Variants in GNB1L observed in about 807,000 individuals in gnomAD.
The protein encoded by GNB1L is G protein subunit beta 1 like, also known as guanine nucleotide-binding protein subunit beta-like protein 1.
GNB1L carries 20 observed loss-of-function variants against 29.1 expected under a neutral mutation model. The ratio of observed to expected loss-of-function variants is 0.69; its 90% CI spans 0.48 to 1.00. The LOEUF (loss-of-function observed/expected upper bound fraction) is 1.00. Ranked by LOEUF, GNB1L falls within the 50% of genes least tolerant of loss-of-function variation. The pLI is 0.00. For synonymous variants in GNB1L, 193 were observed against 206.5 expected (o/e 0.93, Z 0.56); for missense variants, 421 against 464.9 (o/e 0.91, Z 0.87).
rs563370287 is a variant in GNB1L, at chr22:19,812,238, G to A, written c.417+47C>T. On this transcript the variant is annotated intron_variant, in intron 5 of 7. Transcript: ENST00000329517. ...CCTCCTAATCAAATGCAGAGGATGA[G>A]CACAACTGTTTGGAGAACATGGGGC... 128 of 1,586,764 alleles carry A rather than the reference G, an allele frequency of 8.1e-5. No individual in the cohort carries two copies. In the Middle Eastern group the frequency reaches 2.3e-3, roughly 29 times the overall value.
At chr22:19,846,606 A>C in intron 2 of GNB1L, 5 of 961,312 alleles carry the variant, frequency 5.2e-6, no homozygotes, top group Non-Finnish European at 6.2e-6. Context: ...CAATATTTTT[A>C]TGTTCAAGTC....
intron 7 of GNB1L, chr22:19,792,333 C>G: frequency 3.0e-6 from 3 of 1,010,044 alleles, no homozygotes; most frequent in Non-Finnish European, 1.5e-6. Flanking sequence ...GAAGGTGGCT[C>G]TGGCCCCTGC....
intron 2 of GNB1L, among the ~76,000 whole-genome samples, chr22:19,843,954 G>A (rs1016698049): frequency 3.3e-5 from 5 of 152,178 alleles, no homozygotes; most frequent in African/African-American, 1.2e-4. Flanking sequence ...CTGCCCCCCA[G>A]CAAGATTCAC....
chr22:19,852,282 G>A (rs940379349), intron 2 of GNB1L: 5 of 1,583,900 alleles, frequency 3.2e-6, no homozygotes, highest in African/African-American at 2.7e-5. Flanking sequence ...CAGGGGAGAA[G>A]AGAGGAGAGC....
intron 2 of GNB1L, chr22:19,850,837 A>G (rs780270996): frequency 4.1e-4 from 534 of 1,306,270 alleles, no homozygotes; most frequent in Middle Eastern, 2.0e-3. Flanking sequence ...TGGAGGTGAC[A>G]AAGATGATGC....
chr22:19,824,154 C>T (rs778206738), intron 2 of GNB1L, among the ~76,000 whole-genome samples: 1 of 152,262 alleles, frequency 6.6e-6, no homozygotes. Context: ...CAATTAAGGG[C>T]TCCATCATTT....
chr22:19,789,542 G>A (rs1937228614), intron 7 of GNB1L, among the ~76,000 whole-genome samples: 1 of 152,008 alleles, frequency 6.6e-6, no homozygotes, highest in Admixed American at 6.5e-5. Context: ...CCTGGAGGCG[G>A]CAGGAGCCAC....
chr22:19,819,806 CCA>C (rs1207088265), intron 4 of GNB1L, among the ~76,000 whole-genome samples: 1 of 152,128 alleles, frequency 6.6e-6, no homozygotes, highest in Non-Finnish European at 1.5e-5. Flanking sequence ...GGGGTAGAAA[CCA>C]CAGGAGACAC....
At position 19,853,597 on chromosome 22, in the gene GNB1L, C is replaced by A. The variant is rs143228865; in HGVS notation, c.-21+846G>T. On this transcript the variant is annotated intron_variant, in intron 2 of 7. Coordinates refer to ENST00000329517, the MANE Select transcript of GNB1L (RefSeq NM_053004.3). ...CATCTCCTATCTGCTGGCCATCCCC[C>A]CTCAGGGTGAGTTCCTCCAGGTACC... 9.8e-5 allele frequency among the ~76,000 whole-genome samples: 15 copies of A among 152,300 alleles called. No individual in the cohort carries two copies. In the East Asian group the frequency reaches 1.4e-3, roughly 14 times the overall value.
rs1389823849 is a variant in GNB1L, at chr22:19,812,394, G to A, written c.308C>T (p.Ala103Val). 3.7e-6 allele frequency: 6 copies of A among 1,613,362 alleles called. No individual in the cohort carries two copies. In the African/African-American group the frequency reaches 5.3e-5, roughly 14 times the overall value. The part of the protein sequence containing the change: ...CLWDLAEGRS[A>V]VVDSVCLESV... ...CTCCAAGCACACGGAGTCCACGACA[G>A]CGCTCCTGCCCTCCGCGAGGTCCCA... Residue 103 changes from alanine (A) to valine (V), a missense_variant, in exon 5 of 8, where the codon GCT (alanine) becomes GTT (valine). Physicochemically the swap from Ala to Val is moderately conservative, Grantham distance 64. Coordinates refer to ENST00000329517, the MANE Select transcript of GNB1L (RefSeq NM_053004.3).
intron 5 of GNB1L, among the ~76,000 whole-genome samples, chr22:19,811,037 A>C (rs1241586854): frequency 6.6e-6 from 1 of 152,204 alleles, no homozygotes; most frequent in East Asian, 1.9e-4. Context: ...CTCCTGCAGC[A>C]TTCCTGTGGG....
rs1235414669 is a variant in GNB1L, at chr22:19,784,144, A to T, written c.*4565T>A. 6.6e-6 allele frequency: 1 copy of T among 152,234 alleles called. No homozygotes were observed. Among genetic ancestry groups the T allele is most frequent in the Non-Finnish European group, 1.5e-5 (1 of 68,050 alleles). The allele number at this position is 152,234 out of a possible 1,614,324, so 9.4% of individuals were successfully genotyped here. A position where few individuals can be genotyped will look rare whatever the true frequency, so the allele number is the denominator to read the frequency against. On this transcript the variant is annotated 3_prime_UTR_variant, in exon 8 of 8. Coordinates refer to ENST00000329517, the MANE Select transcript of GNB1L (RefSeq NM_053004.3). Reference sequence around the variant, plus strand: ...ATGAAGTTCTAGCTAATTGAGTATAAGCATTTCTAAAGAACCCCCGGAGGG... The same window carrying T: ...ATGAAGTTCTAGCTAATTGAGTATATGCATTTCTAAAGAACCCCCGGAGGG...
intron 2 of GNB1L, among the ~76,000 whole-genome samples, chr22:19,834,905 C>CTTATAAT (rs1316718017): frequency 1.3e-5 from 2 of 152,036 alleles, no homozygotes; most frequent in African/African-American, 4.8e-5. Flanking sequence ...TAAGACCCAA[C>CTTATAAT]TATAAGCTAT....
Position 19,795,255 on chromosome 22 carries a change from G to A in GNB1L, c.733-6295C>T, listed in dbSNP as rs182951666. Among the ~76,000 whole-genome samples the A allele has an allele frequency of 2.6e-5, 4 of 152,246 alleles. No individual in the cohort carries two copies. The East Asian group carries it at 7.7e-4, about 29-fold the overall frequency. The stretch of plus-strand genomic sequence containing the variant: ...CCACACTGAGCCCCAGAGCTTCAAA[G>A]CTCATGAAGCAAAACTGGCAGAGAC... On this transcript the variant is annotated intron_variant, in intron 7 of 7. Transcript: ENST00000329517.
chr22:19,792,488 G>T lies in GNB1L; in HGVS notation c.733-3528C>A, dbSNP rs946729723. The T allele has an allele frequency of 1.3e-5, 21 of 1,568,300 alleles. No individual in the cohort carries two copies. In the East Asian group the frequency reaches 4.5e-4, roughly 33 times the overall value. On this transcript the variant is annotated intron_variant, in intron 7 of 7. Transcript: ENST00000329517. ...GGCCCCGCTATATCAGGTTGCAGCG[G>T]CAGAGAGCCATCCTCTATAAGCGGC...
intron 7 of GNB1L, among the ~76,000 whole-genome samples, chr22:19,791,752 G>A (rs576769161): frequency 6.6e-6 from 1 of 152,330 alleles, no homozygotes; most frequent in Admixed American, 6.5e-5. Context: ...CAGTCAGCCT[G>A]AATGTGAAGA....
chr22:19,815,067 C>T (rs1356097076), intron 4 of GNB1L, among the ~76,000 whole-genome samples: 1 of 151,462 alleles, frequency 6.6e-6, no homozygotes, highest in African/African-American at 2.4e-5. Context: ...ATGTTGAGGT[C>T]ACGAAAATAA....
chr22:19,835,383 A>AC (rs1569052271), intron 2 of GNB1L, among the ~76,000 whole-genome samples: 62 of 151,390 alleles, frequency 4.1e-4, no homozygotes, highest in African/African-American at 1.2e-3. Context: ...TAAAAAAAAA[A>AC]AAAAACAAAC....
chr22:19,826,092 T>G (rs906550626), intron 2 of GNB1L, among the ~76,000 whole-genome samples: 1 of 152,222 alleles, frequency 6.6e-6, no homozygotes, highest in Non-Finnish European at 1.5e-5. Flanking sequence ...TTGAGGGCAT[T>G]TGCTGCACTA....
Sources: gnomAD v4.1 joint callset for allele counts (sites outside exome capture counted in the v4.1 genomes callset) on GRCh38, gnomAD v4.1.1 for gene constraint, MANE v1.5 for transcripts, NCBI Gene and HGNC (gene_info 2026-07-23, HGNC 2026-07-21) for gene names.